The following GRIA1 variants were observed in gnomAD, a reference collection of about 807,000 sequenced individuals.
GRIA1 encodes glutamate receptor 1.
A neutral mutation model predicts 99.2 loss-of-function variants in GRIA1; 31 were observed. The observed-to-expected ratio is 0.31, with a 90% CI of 0.23 to 0.42. GRIA1 has a LOEUF of 0.42. Among genes scored for constraint, GRIA1 ranks in the 10% least tolerant of loss-of-function variants. The probability of loss-of-function intolerance (pLI) is 1.00; values close to 1 mark genes in which losing one functional copy is unlikely to be tolerated. For synonymous variants in GRIA1, 438 were observed against 432.4 expected (o/e 1.01, Z -0.16); for missense variants, 782 against 1,157.5 (o/e 0.68, Z 4.71).
At chr5:153,697,921 G>A (rs917869819) in intron 8 of GRIA1, 123 bp from the exon 9 acceptor site, 8 of 521,530 alleles carry the variant, frequency 1.5e-5, no homozygotes, top group Middle Eastern at 4.3e-4. Context: ...TTTAGAGCTC[G>A]GTGTGTCCAA....
intron 15 of GRIA1, among the ~76,000 whole-genome samples, chr5:153,808,076 A>G (rs959488220): frequency 6.6e-6 from 1 of 152,208 alleles, no homozygotes; most frequent in Admixed American, 6.5e-5. Flanking sequence ...ACATTACTGA[A>G]GTTTAAGCTT....
intron 2 of GRIA1, among the ~76,000 whole-genome samples, chr5:153,576,961 GAT>G (rs1210344916): frequency 1.4e-5 from 2 of 145,456 alleles, no homozygotes; most frequent in African/African-American, 4.9e-5. Context: ...TGGATGGATG[GAT>G]GGATGGATGG....
At chr5:153,568,140 G>A (rs1465103894) in intron 2 of GRIA1, among the ~76,000 whole-genome samples, 1 of 152,122 alleles carries the variant, frequency 6.6e-6, no homozygotes, top group East Asian at 1.9e-4. Context: ...ATTAAACACG[G>A]GTGACGAAGC....
At chr5:153,628,890 CAGTT>C (rs1466770830) in intron 2 of GRIA1, among the ~76,000 whole-genome samples, 1 of 152,190 alleles carries the variant, frequency 6.6e-6, no homozygotes, top group African/African-American at 2.4e-5. Flanking sequence ...GTCAGCCTCT[CAGTT>C]AGAATTCTGT....
At chr5:153,606,398 C>T (rs1427458780) in intron 2 of GRIA1, among the ~76,000 whole-genome samples, 1 of 152,028 alleles carries the variant, frequency 6.6e-6, no homozygotes, top group East Asian at 1.9e-4. Flanking sequence ...TTTACATTTA[C>T]ATACAAATTT....
intron 2 of GRIA1, among the ~76,000 whole-genome samples, chr5:153,512,338 T>C (rs1352139018): frequency 6.6e-6 from 1 of 152,176 alleles, no homozygotes; most frequent in Non-Finnish European, 1.5e-5. Context: ...ATAGAGCATG[T>C]TCAGGTGGTT....
intron 2 of GRIA1, among the ~76,000 whole-genome samples, chr5:153,626,025 A>T (rs538459582): frequency 6.6e-6 from 1 of 152,210 alleles, no homozygotes; most frequent in African/African-American, 2.4e-5. Context: ...AAGGCCACCG[A>T]ACCTGGAGGG....
At position 153,633,416 on chromosome 5, in the gene GRIA1, G is replaced by T. The variant is rs1011825457; in HGVS notation, c.221-13512G>T. On this transcript the variant is annotated intron_variant, in intron 2 of 15. Transcript: ENST00000285900. ...GGAATTCTGTTACTTAGCAGGAGTT[G>T]TTTCCTGCCATGTTTTGAGAAACTT... 9.9e-5 allele frequency among the ~76,000 whole-genome samples: 15 copies of T among 152,134 alleles called. 1 individual carries two copies. The highest frequency in any genetic ancestry group is 1.6e-4 in the Non-Finnish European group (11 of 68,024).
intron 8 of GRIA1, among the ~76,000 whole-genome samples, chr5:153,696,862 ATGTG>A (rs10694156): frequency 2.0e-5 from 3 of 151,186 alleles, no homozygotes; most frequent in East Asian, 2.0e-4. Context: ...TAGGGTGTGT[ATGTG>A]TGTGTGTGTG....
At chr5:153,713,050 A>G (rs1288773629) in intron 11 of GRIA1, among the ~76,000 whole-genome samples, 2 of 152,202 alleles carry the variant, frequency 1.3e-5, no homozygotes, top group Non-Finnish European at 2.9e-5. Context: ...CAAGGCCCAT[A>G]TGGCAGCTAG....
At chr5:153,713,079 A>G (rs1759430633) in intron 11 of GRIA1, among the ~76,000 whole-genome samples, 1 of 152,158 alleles carries the variant, frequency 6.6e-6, no homozygotes, top group South Asian at 2.1e-4. Flanking sequence ...CTGAGTCAAC[A>G]TTGAGTTTGA....
At chr5:153,500,399 C>A (rs1754882410) in intron 2 of GRIA1, among the ~76,000 whole-genome samples, 1 of 152,168 alleles carries the variant, frequency 6.6e-6, no homozygotes, top group Non-Finnish European at 1.5e-5. Flanking sequence ...CCCACTGAAT[C>A]TACACGTGGC....
At chr5:153,587,161 G>A (rs1404689551) in intron 2 of GRIA1, among the ~76,000 whole-genome samples, 1 of 152,090 alleles carries the variant, frequency 6.6e-6, no homozygotes, top group Admixed American at 6.6e-5. Flanking sequence ...GGAGGTGTGT[G>A]GGTCATGGGG....
rs530250579 is a variant in GRIA1, at chr5:153,572,694, C to G, written c.221-74234C>G. ...TATTGCATGATTTCATGGTACTGAT[C>G]AGATCCAAAGAAGGAGGATGATTGT... On this transcript the variant is annotated intron_variant, in intron 2 of 15. Coordinates refer to ENST00000285900, the MANE Select transcript of GRIA1 (RefSeq NM_000827.4). Among the ~76,000 whole-genome samples, 4 of 152,260 alleles carry G rather than the reference C, an allele frequency of 2.6e-5. No individual in the cohort carries two copies. The East Asian group carries it at 5.8e-4, about 22-fold the overall frequency.
chr5:153,542,184 G>A (rs942030023), intron 2 of GRIA1, among the ~76,000 whole-genome samples: 24 of 152,208 alleles, frequency 1.6e-4, no homozygotes, highest in Middle Eastern at 3.4e-3. Context: ...GATGTTCAGA[G>A]AGTAGCTCTA....
intron 2 of GRIA1, among the ~76,000 whole-genome samples, chr5:153,534,390 CA>C (rs1389258426): frequency 6.6e-6 from 1 of 151,952 alleles, no homozygotes; most frequent in African/African-American, 2.4e-5. Context: ...ATACTAGGGC[CA>C]AAAAGTCCTT....
chr5:153,691,736 C>G (rs1757775737), intron 8 of GRIA1, among the ~76,000 whole-genome samples: 2 of 152,136 alleles, frequency 1.3e-5, no homozygotes, highest in South Asian at 4.1e-4. Context: ...ACCTCACCAC[C>G]TCTCTCCATT....
chr5:153,519,255 C>T (rs521210), intron 2 of GRIA1, among the ~76,000 whole-genome samples: 34,304 of 151,400 alleles, frequency 0.23, 4,169 homozygotes, highest in Middle Eastern at 0.33. Flanking sequence ...GAGCGAGACT[C>T]CATCTCAAAA....
intron 11 of GRIA1, among the ~76,000 whole-genome samples, chr5:153,735,377 G>C (rs1761312797): frequency 1.3e-5 from 2 of 152,182 alleles, no homozygotes; most frequent in Admixed American, 1.3e-4. Flanking sequence ...CCACGTGAGA[G>C]AGTCATGATC....
Sources: gnomAD v4.1 joint callset for allele counts (sites outside exome capture counted in the v4.1 genomes callset) on GRCh38, gnomAD v4.1.1 for gene constraint, MANE v1.5 for transcripts, NCBI Gene and HGNC (gene_info 2026-07-23, HGNC 2026-07-21) for gene names.